The following SMG6 variants were observed in gnomAD, a reference collection of about 807,000 sequenced individuals.
SMG6 encodes telomerase-binding protein EST1A.
A neutral mutation model predicts 142.2 loss-of-function variants in SMG6; 66 were observed. That is an observed-to-expected ratio of 0.46 (90% CI 0.38 to 0.57). The LOEUF (loss-of-function observed/expected upper bound fraction) is 0.57, where lower values mean the gene tolerates loss of function less well. Ranked by LOEUF, SMG6 falls within the 20% of genes least tolerant of loss-of-function variation. The probability of loss-of-function intolerance (pLI) is 0.00; values close to 1 mark genes in which losing one functional copy is unlikely to be tolerated. For missense variants in SMG6, 1,793 were observed against 1,832.0 expected, an observed-to-expected ratio of 0.98 and a Z score of 0.39; for synonymous variants, 779 against 702.4, an observed-to-expected ratio of 1.11 and a Z score of -1.72.
intron 13 of SMG6, among the ~76,000 whole-genome samples, chr17:2,166,216 A>AAAC (rs138744744): frequency 2.6e-5 from 4 of 152,174 alleles, no homozygotes; most frequent in African/African-American, 7.2e-5. Flanking sequence ...TCCATCTCCA[A>AAAC]AACAACAACA....
rs532845628 is a variant in SMG6, at chr17:2,068,686, G to A, written c.3835+92C>T. The A allele has an allele frequency of 1.5e-6, 2 of 1,364,462 alleles. No individual in the cohort carries two copies. The highest frequency in any genetic ancestry group is 2.9e-5 in the African/African-American group (2 of 70,064). The allele number at this position is 1,364,462 out of a possible 1,614,324, so 84.5% of individuals were successfully genotyped here. A position where few individuals can be genotyped will look rare whatever the true frequency, so the allele number is the denominator to read the frequency against. On this transcript the variant is annotated intron_variant, in intron 16 of 18. Coordinates refer to ENST00000263073, the MANE Select transcript of SMG6 (RefSeq NM_017575.5). This position sits in a 1 kb window ranked among gnomAD's most constrained non-coding sequence, Gnocchi z 6.7. The stretch of plus-strand genomic sequence containing the variant: ...TCCCATCTTACACACGCACAGCAGG[G>A]CTCTGCCTGCCTGGCCCCCAGGCCG...
intron 13 of SMG6, chr17:2,127,911 C>T (rs1033895696): frequency 3.5e-6 from 2 of 567,302 alleles, no homozygotes; most frequent in South Asian, 1.4e-5. Flanking sequence ...CCACGTTGGC[C>T]TCCAGTACCT....
intron 10 of SMG6, among the ~76,000 whole-genome samples, chr17:2,217,925 G>A (rs559954694): frequency 7.2e-5 from 11 of 151,820 alleles, no homozygotes; most frequent in East Asian, 2.0e-4. Context: ...CAGGAGAATC[G>A]CTTGAACCCG....
At chr17:2,302,573 T>G (rs577785932) in intron 1 of SMG6, among the ~76,000 whole-genome samples, 1 of 152,172 alleles carries the variant, frequency 6.6e-6, no homozygotes, top group Non-Finnish European at 1.5e-5. Flanking sequence ...AAAAAAGTTT[T>G]TAATCCTAGT....
chr17:2,069,185 A>G (rs1417565419), intron 15 of SMG6, among the ~76,000 whole-genome samples: 1 of 152,196 alleles, frequency 6.6e-6, no homozygotes, highest in Non-Finnish European at 1.5e-5. Context: ...GATCCTGAGG[A>G]TATTCAACAT....
intron 10 of SMG6, among the ~76,000 whole-genome samples, chr17:2,223,206 C>A (rs546097471): frequency 2.8e-4 from 42 of 152,366 alleles, no homozygotes; most frequent in Middle Eastern, 3.4e-3. Flanking sequence ...AACCACTGAT[C>A]CTTGCCTCAG....
chr17:2,284,556 G>T (rs2074861809), intron 6 of SMG6, among the ~76,000 whole-genome samples: 1 of 152,148 alleles, frequency 6.6e-6, no homozygotes, highest in Non-Finnish European at 1.5e-5. Flanking sequence ...CCAACTTCAT[G>T]TACATTTTCA....
At chr17:2,252,009 G>C (rs1406836587) in intron 8 of SMG6, among the ~76,000 whole-genome samples, 1 of 152,176 alleles carries the variant, frequency 6.6e-6, no homozygotes, top group African/African-American at 2.4e-5. Flanking sequence ...GCTGAGGCAG[G>C]AGAATCGCTT....
At chr17:2,282,559 G>T (rs140030745) in intron 8 of SMG6, 88 bp downstream of exon 8, 1 of 1,297,150 alleles carries the variant, frequency 7.7e-7, no homozygotes, top group Non-Finnish European at 1.1e-6. Flanking sequence ...CAATCAGTGG[G>T]AAGTATCTGT....
rs1422945224 is a variant in SMG6 at position 2,235,150 on chromosome 17, G to A, written c.2869+1342C>T. Among the ~76,000 whole-genome samples, 5 of 152,134 alleles carry A rather than the reference G, an allele frequency of 3.3e-5. No homozygotes were observed. In the East Asian group the frequency reaches 7.7e-4, roughly 23 times the overall value. ...TACAAACTTTGTTCTCTTCTCCCTG[G>A]AAACCAGTGCTGCCACTTAAGAATC... is the stretch of plus-strand genomic sequence containing the variant. On this transcript the variant is annotated intron_variant, in intron 10 of 18. Transcript: ENST00000263073.
chr17:2,074,956 T>C (rs993509603), intron 15 of SMG6, among the ~76,000 whole-genome samples: 3 of 151,992 alleles, frequency 2.0e-5, no homozygotes, highest in Non-Finnish European at 4.4e-5. Context: ...AGGCCCCCAG[T>C]GGATGGTGCT....
chr17:2,207,668 T>C (rs1412653266), intron 10 of SMG6, among the ~76,000 whole-genome samples: 1 of 152,162 alleles, frequency 6.6e-6, no homozygotes. Context: ...GGGAATTGTC[T>C]AGATTGTAAA....
rs1481241893 is a variant in SMG6 at position 2,186,647 on chromosome 17, G to A, written c.3155+16C>T. The A allele has an allele frequency of 1.9e-6, 3 of 1,613,852 alleles. No homozygotes were observed. The highest frequency in any genetic ancestry group is 1.7e-6 in the Non-Finnish European group (2 of 1,179,804). On this transcript the variant is annotated intron_variant, in intron 12 of 18. Transcript: ENST00000263073. ...CCCAAGCCAGTGGTGCTGAAGCAATGGGCAGGTCAACTCACTGCGAGGGCA... is the reference window on the plus strand; with the variant it reads ...CCCAAGCCAGTGGTGCTGAAGCAATAGGCAGGTCAACTCACTGCGAGGGCA...
chr17:2,220,437 C>T (rs2073140100), intron 10 of SMG6, among the ~76,000 whole-genome samples: 1 of 152,096 alleles, frequency 6.6e-6, no homozygotes, highest in Admixed American at 6.6e-5. Flanking sequence ...TTGAGACTAG[C>T]TTGGGCAACA....
chr17:2,212,330 C>T (rs1207856657), intron 10 of SMG6, among the ~76,000 whole-genome samples: 2 of 151,950 alleles, frequency 1.3e-5, no homozygotes, highest in East Asian at 1.9e-4. Context: ...GACAGACATA[C>T]GAGGAAAAAG....
intron 8 of SMG6, among the ~76,000 whole-genome samples, chr17:2,271,806 T>C (rs952027542): frequency 2.0e-5 from 3 of 152,168 alleles, no homozygotes; most frequent in African/African-American, 7.2e-5. Flanking sequence ...CCACTGGCAA[T>C]TTCCTCCAAC....
intron 13 of SMG6, among the ~76,000 whole-genome samples, chr17:2,134,165 T>C (rs1237169315): frequency 6.6e-6 from 1 of 152,006 alleles, no homozygotes; most frequent in Non-Finnish European, 1.5e-5. Flanking sequence ...TAAAATGTGA[T>C]AATGCCCACT....
rs143288810 is a variant in SMG6, at chr17:2,208,202, C to T, written c.2870-19687G>A. 1.3e-3 allele frequency among the ~76,000 whole-genome samples: 193 copies of T among 152,250 alleles called. 1 individual carries two copies. Among genetic ancestry groups the T allele is most frequent in the African/African-American group, 4.3e-3 (177 of 41,540 alleles). ...TGACCACAGTCAAGAGACAAAATAG[C>T]AAACCTGCCTCCACACTCCTGAATG... is the stretch of plus-strand genomic sequence containing the variant. On this transcript the variant is annotated intron_variant, in intron 10 of 18. Transcript: ENST00000263073.
chr17:2,137,150 G>A (rs1445684172), intron 13 of SMG6, among the ~76,000 whole-genome samples: 3 of 152,166 alleles, frequency 2.0e-5, no homozygotes, highest in African/African-American at 7.2e-5. Context: ...CTGGGTGACA[G>A]AGTGAGACCC....
Sources: gnomAD v4.1 joint callset for allele counts (sites outside exome capture counted in the v4.1 genomes callset) on GRCh38, gnomAD v4.1.1 for gene constraint, Gnocchi (gnomAD v3.1) non-coding constraint, MANE v1.5 for transcripts, NCBI Gene and HGNC (gene_info 2026-07-23, HGNC 2026-07-21) for gene names.